PTPRQ: variants seen among roughly 807,000 people sequenced by gnomAD.
The protein encoded by PTPRQ is phosphatidylinositol phosphatase PTPRQ.
In PTPRQ, 199 loss-of-function variants were observed where a neutral mutation model predicts 246.0. The ratio of observed to expected loss-of-function variants is 0.81; its 90% CI spans 0.72 to 0.91. PTPRQ has a LOEUF of 0.91. Ranked by LOEUF, PTPRQ falls within the 40% of genes least tolerant of loss-of-function variation. The probability of loss-of-function intolerance (pLI) is 0.00; values close to 1 mark genes in which losing one functional copy is unlikely to be tolerated. For missense variants in PTPRQ, 2,624 were observed against 2,528.4 expected, an observed-to-expected ratio of 1.04 and a Z score of -0.81; for synonymous variants, 869 against 853.2, an observed-to-expected ratio of 1.02 and a Z score of -0.32.
intron 30 of PTPRQ, among the ~76,000 whole-genome samples, chr12:80,616,702 C>T (rs945958426): frequency 1.3e-5 from 2 of 151,042 alleles, no homozygotes; most frequent in South Asian, 2.1e-4. Context: ...GTTTTTTGAA[C>T]TACCATGTAG....
chr12:80,544,430 A>T (rs1052294948), intron 23 of PTPRQ, among the ~76,000 whole-genome samples: 1 of 152,190 alleles, frequency 6.6e-6, no homozygotes, highest in Admixed American at 6.6e-5. Flanking sequence ...AGATTTGTAA[A>T]CAGGTTTTCT....
chr12:80,599,217 G>A (rs941995404), intron 26 of PTPRQ, among the ~76,000 whole-genome samples: 2 of 151,936 alleles, frequency 1.3e-5, no homozygotes, highest in African/African-American at 2.4e-5. Flanking sequence ...ATGGTTGTTA[G>A]TTACAGAAAA....
Position 80,506,084 on chromosome 12 carries a change from T to TATC in PTPRQ, c.2336_2338dup (p.Ser779dup). ...AATATTTCTTCTGGAGAGATTGAGC[T>TATC]ATCATTCCTTCCCCCAAGTAGTCCC... is the stretch of plus-strand genomic sequence containing the variant. On this transcript the variant is annotated inframe_insertion, in exon 15 of 45. Transcript: ENST00000644991. 6.5e-7 allele frequency: 1 copy of TATC among 1,546,832 alleles called. No homozygotes were observed. The highest frequency in any genetic ancestry group is 8.7e-7 in the Non-Finnish European group (1 of 1,144,930).
At chr12:80,470,311 T>C (rs1173906587) in intron 7 of PTPRQ, among the ~76,000 whole-genome samples, 2 of 151,994 alleles carry the variant, frequency 1.3e-5, no homozygotes, top group Non-Finnish European at 2.9e-5. Flanking sequence ...TAAGGCAGAG[T>C]ATATGGGTGT....
At chr12:80,678,900 T>A in intron 44 of PTPRQ, 86 bp from the exon 45 acceptor site, 2 of 1,471,118 alleles carry the variant, frequency 1.4e-6, no homozygotes, top group Non-Finnish European at 1.8e-6. Flanking sequence ...ACCCTTTCTG[T>A]CTACATTATA....
At chr12:80,633,025 C>T (rs1002325791) in intron 34 of PTPRQ, among the ~76,000 whole-genome samples, 11 of 152,246 alleles carry the variant, frequency 7.2e-5, no homozygotes, top group African/African-American at 2.6e-4. Context: ...CTTCCTACTG[C>T]CTCTCAGGGT....
chr12:80,457,794 A>G (rs1422517016), intron 4 of PTPRQ, 150 bp downstream of exon 4: 1 of 392,294 alleles, frequency 2.5e-6, no homozygotes, highest in African/African-American at 2.1e-5. Context: ...TCGGATAGCT[A>G]ATTTATTCCT....
intron 6 of PTPRQ, among the ~76,000 whole-genome samples, chr12:80,463,688 C>T (rs1378366906): frequency 1.3e-5 from 2 of 151,564 alleles, no homozygotes; most frequent in Non-Finnish European, 2.9e-5. Flanking sequence ...ACCCTAGAAG[C>T]CAGAAGAGAG....
chr12:80,465,256 A>G (rs1352487040), intron 6 of PTPRQ: 2 of 152,256 alleles, frequency 1.3e-5, no homozygotes, highest in Non-Finnish European at 2.9e-5. Flanking sequence ...AAAATCTAGA[A>G]GAAATGGATA....
rs192809856 is a variant in PTPRQ at position 80,592,254 on chromosome 12, G to A, written c.4609+3802G>A. Among the ~76,000 whole-genome samples, 925 of 152,292 alleles carry A rather than the reference G, an allele frequency of 6.1e-3. 15 individuals carry two copies. The highest frequency in any genetic ancestry group is 0.021 in the African/African-American group (859 of 41,564). The stretch of plus-strand genomic sequence containing the variant: ...AAACTCATAGCTTTTCAACTAAGTA[G>A]TCATAAGTGGTTGAGGATAATTCTT... On this transcript the variant is annotated intron_variant, in intron 26 of 44. Coordinates refer to ENST00000644991, the MANE Select transcript of PTPRQ (RefSeq NM_001145026.2).
intron 33 of PTPRQ, among the ~76,000 whole-genome samples, chr12:80,630,406 C>A (rs185338627): frequency 6.6e-6 from 1 of 151,976 alleles, no homozygotes; most frequent in African/African-American, 2.4e-5. Flanking sequence ...TTTGAGTATT[C>A]GCAGTCAACA....
intron 8 of PTPRQ, among the ~76,000 whole-genome samples, chr12:80,484,164 C>T (rs1268042404): frequency 6.6e-6 from 1 of 151,966 alleles, no homozygotes; most frequent in African/African-American, 2.4e-5. Flanking sequence ...CACCACCATG[C>T]CTGGCTTATT....
chr12:80,547,444 TG>T (rs1433573139), intron 24 of PTPRQ, among the ~76,000 whole-genome samples: 1 of 152,180 alleles, frequency 6.6e-6, no homozygotes, highest in Non-Finnish European at 1.5e-5. Context: ...TTATCAGCTC[TG>T]GATGCACTTC....
intron 25 of PTPRQ, among the ~76,000 whole-genome samples, chr12:80,585,741 T>G (rs1348652537): frequency 6.6e-6 from 1 of 152,042 alleles, no homozygotes; most frequent in Non-Finnish European, 1.5e-5. Flanking sequence ...CTTTTTTTTT[T>G]TATTATTATA....
chr12:80,448,944 C>T (rs1361408152), intron 3 of PTPRQ, among the ~76,000 whole-genome samples: 3 of 148,972 alleles, frequency 2.0e-5, no homozygotes, highest in African/African-American at 4.9e-5. Context: ...CCTGAGGAAT[C>T]GCCACACTGA....
At chr12:80,647,587 C>T (rs1900117906) in intron 35 of PTPRQ, among the ~76,000 whole-genome samples, 1 of 152,148 alleles carries the variant, frequency 6.6e-6, no homozygotes, top group Non-Finnish European at 1.5e-5. Flanking sequence ...GCAACTGTTA[C>T]TATGTCAGAG....
Position 80,528,718 on chromosome 12 carries a change from C to T in PTPRQ, c.2679-5297C>T, listed in dbSNP as rs138370080. Among the ~76,000 whole-genome samples, 6 of 152,274 alleles carry T rather than the reference C, an allele frequency of 3.9e-5. 1 individual carries two copies. The highest frequency in any genetic ancestry group is 1.4e-4 in the African/African-American group (6 of 41,556). On this transcript the variant is annotated intron_variant, in intron 17 of 44. Coordinates refer to ENST00000644991, the MANE Select transcript of PTPRQ (RefSeq NM_001145026.2). ...TCAAATTCCTGCTTCCAGAATCCAT[C>T]AACTCATTTACATCCATTCTCAGAG... is the stretch of plus-strand genomic sequence containing the variant.
chr12:80,444,244 T>C lies in PTPRQ; in HGVS notation c.-102T>C. The stretch of plus-strand genomic sequence containing the variant: ...CTATTGAGTAATATGGGCTCATTAA[T>C]TGTGTACTTGCCAGAAGGATCTGTC... On this transcript the variant is annotated 5_prime_UTR_variant, in exon 1 of 45. Coordinates refer to ENST00000644991, the MANE Select transcript of PTPRQ (RefSeq NM_001145026.2). The C allele has an allele frequency of 1.5e-6, 1 of 658,360 alleles. No homozygotes were observed. The highest frequency in any genetic ancestry group is 2.7e-6 in the Non-Finnish European group (1 of 368,754). 40.8% of individuals were successfully genotyped at this position (658,360 alleles called of 1,614,324 possible).
chr12:80,660,994 CTCTTA>C (rs10583018), intron 39 of PTPRQ, among the ~76,000 whole-genome samples: 25,285 of 151,538 alleles, frequency 0.17, 2,968 homozygotes, highest in African/African-American at 0.32. Flanking sequence ...TGTATATTTC[CTCTTA>C]TCTTAGTACC....
Sources: gnomAD v4.1 joint callset for allele counts (sites outside exome capture counted in the v4.1 genomes callset) on GRCh38, gnomAD v4.1.1 for gene constraint, MANE v1.5 for transcripts, NCBI Gene and HGNC (gene_info 2026-07-23, HGNC 2026-07-21) for gene names.